The following BRDT variants were observed in gnomAD, a reference collection of about 807,000 sequenced individuals.
The protein encoded by BRDT is bromodomain testis-specific protein.
In BRDT, 77 loss-of-function variants were observed where a neutral mutation model predicts 113.9. The ratio of observed to expected loss-of-function variants is 0.68; its 90% CI spans 0.56 to 0.82. The LOEUF is 0.82. Ranked by LOEUF, BRDT falls within the 40% of genes least tolerant of loss-of-function variation. The pLI is 0.00. For synonymous variants in BRDT, 358 were observed against 366.5 expected, an observed-to-expected ratio of 0.98 and a Z score of 0.26; for missense variants, 1,027 against 1,105.4, an observed-to-expected ratio of 0.93 and a Z score of 1.01.
At chr1:91,989,150 C>G (rs1252592516) in intron 12 of BRDT, among the ~76,000 whole-genome samples, 1 of 151,842 alleles carries the variant, frequency 6.6e-6, no homozygotes, top group African/African-American at 2.4e-5. Context: ...TATTAGAAAA[C>G]TAAGGTGATG....
rs2101681577 is a variant in BRDT, at chr1:91,981,775, G to A, written c.2002+20G>A. On this transcript the variant is annotated intron_variant, in intron 12 of 18. Transcript: ENST00000399546. ...AATCAGGTTAGCTGTCCCCTTAAAT[G>A]TACCTCTGTTGATGGGAGCACTTTT... The A allele has an allele frequency of 6.3e-7, 1 of 1,593,138 alleles. No individual in the cohort carries two copies. Among genetic ancestry groups the A allele is most frequent in the Non-Finnish European group, 8.5e-7 (1 of 1,169,620 alleles).
chr1:91,952,419 C>T (rs1681196322), intron 1 of BRDT, among the ~76,000 whole-genome samples: 1 of 152,164 alleles, frequency 6.6e-6, no homozygotes, highest in African/African-American at 2.4e-5. Flanking sequence ...CTGGCAGGTG[C>T]ACTGGCCAGA....
chr1:91,974,778 C>T (rs1237539888), intron 4 of BRDT, among the ~76,000 whole-genome samples: 1 of 152,208 alleles, frequency 6.6e-6, no homozygotes, highest in African/African-American at 2.4e-5. Context: ...CATCCCATTA[C>T]TGGGTATATA....
chr1:91,972,488 G>C (rs942132661), intron 4 of BRDT, among the ~76,000 whole-genome samples: 5 of 152,170 alleles, frequency 3.3e-5, no homozygotes, highest in African/African-American at 1.2e-4. Context: ...TAAGCTACAA[G>C]AGCAGATACT....
At position 92,001,667 on chromosome 1, in the gene BRDT, G is replaced by T. The variant is rs1343429302; in HGVS notation, c.2288-382G>T. Among the ~76,000 whole-genome samples the T allele has an allele frequency of 2.6e-5, 4 of 151,650 alleles. No homozygotes were observed. In the East Asian group the frequency reaches 7.7e-4, roughly 29 times the overall value. On this transcript the variant is annotated intron_variant, in intron 15 of 18. Coordinates refer to ENST00000399546, the MANE Select transcript of BRDT (RefSeq NM_207189.4). ...GCCAAGATTGCACCACTGTACTTCA[G>T]CCTAGAGCATCAAAGCAAGACCCTC... is the stretch of plus-strand genomic sequence containing the variant.
At chr1:91,968,460 T>C (rs1274294555) in intron 4 of BRDT, among the ~76,000 whole-genome samples, 200 bp downstream of exon 4, 1 of 152,234 alleles carries the variant, frequency 6.6e-6, no homozygotes, top group Non-Finnish European at 1.5e-5. Flanking sequence ...GAGGACTGCA[T>C]TGATTATGGC....
chr1:91,968,610 T>C (rs1002214010), intron 4 of BRDT, among the ~76,000 whole-genome samples: 1 of 152,228 alleles, frequency 6.6e-6, no homozygotes, highest in Admixed American at 6.5e-5. Flanking sequence ...GCTCTCTGTA[T>C]TAAAAAAAAA....
rs747674644 is a variant in BRDT at position 91,981,695 on chromosome 1, T to G, written c.1942T>G (p.Ser648Ala). The G allele has an allele frequency of 6.2e-7, 1 of 1,614,174 alleles. No individual in the cohort carries two copies. The highest frequency in any genetic ancestry group is 1.1e-5 in the South Asian group (1 of 91,090). Residue 648 changes from serine (S) to alanine (A), a missense_variant, in exon 12 of 19, where the codon TCA becomes GCA. Physicochemically the swap from Ser to Ala is moderately conservative, Grantham distance 99. Coordinates refer to ENST00000399546, the MANE Select transcript of BRDT (RefSeq NM_207189.4). ...GAGCAGCAGCAGCAGCAGCAGCTCA[T>G]CAGAGTCTGAAAGTAGCAGCAGTGA... ...SESSSSSSSS[S>A]ESESSSSDLS... is the part of the protein sequence containing the mutation.
chr1:91,966,090 T>C (rs1210052169), intron 3 of BRDT, among the ~76,000 whole-genome samples: 1 of 152,058 alleles, frequency 6.6e-6, no homozygotes, highest in Non-Finnish European at 1.5e-5. Context: ...GAGTGCAGTG[T>C]ATGTGGAGAT....
chr1:91,960,183 A>G (rs1310872028), intron 1 of BRDT, among the ~76,000 whole-genome samples: 1 of 152,188 alleles, frequency 6.6e-6, no homozygotes, highest in East Asian at 1.9e-4. Flanking sequence ...TGATCTAGCA[A>G]TTCCACTTGT....
intron 15 of BRDT, among the ~76,000 whole-genome samples, chr1:91,995,746 C>G (rs1301372525): frequency 2.0e-5 from 3 of 151,772 alleles, no homozygotes; most frequent in Non-Finnish European, 4.4e-5. Context: ...AAGTGATTCT[C>G]CTGTCTCAGC....
chr1:91,965,096 T>TG (rs1218695616), intron 3 of BRDT, among the ~76,000 whole-genome samples: 4 of 151,800 alleles, frequency 2.6e-5, no homozygotes, highest in African/African-American at 9.7e-5. Flanking sequence ...CTTTTTTTAG[T>TG]AGAGATGGGG....
At chr1:91,988,464 C>T (rs1212946583) in intron 12 of BRDT, among the ~76,000 whole-genome samples, 1 of 151,684 alleles carries the variant, frequency 6.6e-6, no homozygotes, top group Admixed American at 6.6e-5. Flanking sequence ...GCAGTGGCAC[C>T]ATCTTGGTTC....
At chr1:91,969,938 C>T (rs977461831) in intron 4 of BRDT, among the ~76,000 whole-genome samples, 1 of 150,810 alleles carries the variant, frequency 6.6e-6, no homozygotes, top group South Asian at 2.1e-4. Flanking sequence ...AAGTGATTCT[C>T]CTGCCTCAGC....
intron 4 of BRDT, among the ~76,000 whole-genome samples, chr1:91,975,165 A>G (rs1379592353): frequency 6.6e-6 from 1 of 152,130 alleles, no homozygotes; most frequent in Non-Finnish European, 1.5e-5. Context: ...TAGCATTAGG[A>G]GATATGCCTA....
intron 1 of BRDT, 114 bp from the exon 2 acceptor site, chr1:91,962,604 G>C (rs1042903160): frequency 1.9e-6 from 1 of 539,144 alleles, no homozygotes; most frequent in Non-Finnish European, 3.0e-6. Flanking sequence ...AAAGTGTTGA[G>C]ATTACAGGCC....
intron 18 of BRDT, among the ~76,000 whole-genome samples, chr1:92,006,930 G>A (rs1365460918): frequency 6.6e-6 from 1 of 152,022 alleles, no homozygotes; most frequent in East Asian, 1.9e-4. Context: ...TGGGATTACA[G>A]GCCCGTGCCA....
rs1240257064 is a variant in BRDT at position 91,981,846 on chromosome 1, AC to A, written c.2002+94del. ...TATTTTGAAGAAATATTTGTTACTT[AC>A]CCAGAATCCATGGTTTGTATATCAT... On this transcript the variant is annotated intron_variant, in intron 12 of 18. Coordinates refer to ENST00000399546, the MANE Select transcript of BRDT (RefSeq NM_207189.4). 4 of 1,414,496 alleles carry A rather than the reference AC, an allele frequency of 2.8e-6. No homozygotes were observed. In the East Asian group the frequency reaches 1.0e-4, roughly 36 times the overall value. 87.6% of individuals were successfully genotyped at this position (1,414,496 alleles called of 1,614,324 possible). A position where few individuals can be genotyped will look rare whatever the true frequency, so the allele number is the denominator to read the frequency against.
chr1:91,976,055 C>A (rs548331821), intron 4 of BRDT, among the ~76,000 whole-genome samples: 1 of 152,264 alleles, frequency 6.6e-6, no homozygotes, highest in African/African-American at 2.4e-5. Context: ...AACTGATAAA[C>A]CTACCATTAA....
Sources: gnomAD v4.1 joint callset for allele counts (sites outside exome capture counted in the v4.1 genomes callset) on GRCh38, gnomAD v4.1.1 for gene constraint, MANE v1.5 for transcripts, NCBI Gene and HGNC (gene_info 2026-07-23, HGNC 2026-07-21) for gene names.